The following UNC5D variants were observed in gnomAD, a reference collection of about 807,000 sequenced individuals.
UNC5D encodes unc-5 netrin receptor D, also known as netrin receptor UNC5D.
UNC5D carries 39 observed loss-of-function variants against 105.4 expected under a neutral mutation model. The observed-to-expected ratio is 0.37, with a 90% CI of 0.29 to 0.48. The LOEUF is 0.48. Among genes scored for constraint, UNC5D ranks in the 20% least tolerant of loss-of-function variants. The pLI, the probability that UNC5D is intolerant of heterozygous loss-of-function variation, is 0.98. For missense variants in UNC5D, 991 were observed against 1,202.4 expected, an observed-to-expected ratio of 0.82 and a Z score of 2.60; for synonymous variants, 452 against 450.4, an observed-to-expected ratio of 1.00 and a Z score of -0.04.
At chr8:35,407,577 GTTTGT>G (rs1804888659) in intron 1 of UNC5D, among the ~76,000 whole-genome samples, 1 of 151,912 alleles carries the variant, frequency 6.6e-6, no homozygotes, top group Non-Finnish European at 1.5e-5. Context: ...AGAAGTTCAG[GTTTGT>G]TACATAGGTA....
intron 1 of UNC5D, among the ~76,000 whole-genome samples, chr8:35,298,535 G>A (rs1489562842): frequency 6.8e-6 from 1 of 147,062 alleles, no homozygotes; most frequent in Non-Finnish European, 1.5e-5. Context: ...CTGACTCTTT[G>A]TCAGAATAGA....
chr8:35,446,489 A>G (rs1807802960), intron 1 of UNC5D, among the ~76,000 whole-genome samples: 1 of 151,780 alleles, frequency 6.6e-6, no homozygotes, highest in Non-Finnish European at 1.5e-5. Flanking sequence ...ATTTTTAAAA[A>G]CTAAAAAAAA....
chr8:35,420,073 A>C (rs973266803), intron 1 of UNC5D, among the ~76,000 whole-genome samples: 1 of 152,174 alleles, frequency 6.6e-6, no homozygotes, highest in Non-Finnish European at 1.5e-5. Flanking sequence ...GCAATCAAAA[A>C]TCAAAAAAGG....
chr8:35,365,214 T>G (rs1288231148), intron 1 of UNC5D, among the ~76,000 whole-genome samples: 2 of 152,100 alleles, frequency 1.3e-5, no homozygotes, highest in Non-Finnish European at 2.9e-5. Flanking sequence ...ATCTCCTAGG[T>G]GTAGCCAATC....
rs557335842 is a variant in UNC5D at position 35,405,868 on chromosome 8, A to C, written c.104-143424A>C. Among the ~76,000 whole-genome samples, 37 of 152,312 alleles carry C rather than the reference A, an allele frequency of 2.4e-4. No homozygotes were observed. In the East Asian group the frequency reaches 7.1e-3, roughly 29 times the overall value. On this transcript the variant is annotated intron_variant, in intron 1 of 16. Coordinates refer to ENST00000404895, the MANE Select transcript of UNC5D (RefSeq NM_080872.4). ...ACTGCAGTATGTAAAAATAATATCT[A>C]TGTGAATATAAATATAATTCACTGA... is the stretch of plus-strand genomic sequence containing the variant.
chr8:35,526,550 C>T (rs1813891066), intron 1 of UNC5D, among the ~76,000 whole-genome samples: 1 of 152,108 alleles, frequency 6.6e-6, no homozygotes. Flanking sequence ...AAATGGAAGA[C>T]CTGTGAATTG....
chr8:35,551,089 G>A (rs1462576061), intron 2 of UNC5D, among the ~76,000 whole-genome samples: 1 of 152,064 alleles, frequency 6.6e-6, no homozygotes, highest in Non-Finnish European at 1.5e-5. Context: ...TTGATGTACG[G>A]GTATGCAGTG....
chr8:35,482,866 G>A (rs539142433), intron 1 of UNC5D, among the ~76,000 whole-genome samples: 6 of 136,250 alleles, frequency 4.4e-5, no homozygotes, highest in African/African-American at 8.4e-5. Context: ...GTGATAGCGC[G>A]ATCTCAGCTC....
At chr8:35,493,866 G>A (rs893352804) in intron 1 of UNC5D, among the ~76,000 whole-genome samples, 2 of 151,998 alleles carry the variant, frequency 1.3e-5, no homozygotes, top group African/African-American at 2.4e-5. Flanking sequence ...TATACCATGG[G>A]CAAAGTTACT....
At chr8:35,708,779 G>A (rs969372709) in intron 8 of UNC5D, among the ~76,000 whole-genome samples, 5 of 152,146 alleles carry the variant, frequency 3.3e-5, no homozygotes, top group Admixed American at 6.5e-5. Context: ...TAACAGAGAT[G>A]AGTGTTCAGC....
chr8:35,720,026 T>C (rs992613883), intron 8 of UNC5D, among the ~76,000 whole-genome samples: 7 of 152,344 alleles, frequency 4.6e-5, no homozygotes, highest in African/African-American at 1.7e-4. Flanking sequence ...CAGGCATACA[T>C]AGGGTTATTC....
At position 35,689,132 on chromosome 8, in the gene UNC5D, G is replaced by A. The variant is rs544976989; in HGVS notation, c.1084+2423G>A. Among the ~76,000 whole-genome samples the A allele has an allele frequency of 5.9e-5, 9 of 152,288 alleles. No homozygotes were observed. In the South Asian group the frequency reaches 1.9e-3, roughly 32 times the overall value. On this transcript the variant is annotated intron_variant, in intron 7 of 16. Coordinates refer to ENST00000404895, the MANE Select transcript of UNC5D (RefSeq NM_080872.4). ...TAATAACCTTCACTAACAACCACAG[G>A]TTGTACTTGCACTTGGGGAAAATCA...
chr8:35,602,779 A>G (rs1431562775), intron 4 of UNC5D, among the ~76,000 whole-genome samples: 1 of 151,982 alleles, frequency 6.6e-6, no homozygotes, highest in Non-Finnish European at 1.5e-5. Context: ...TGTGCAGGTT[A>G]GTTACATATG....
chr8:35,492,719 A>G (rs1267731498), intron 1 of UNC5D, among the ~76,000 whole-genome samples: 1 of 152,096 alleles, frequency 6.6e-6, no homozygotes, highest in Non-Finnish European at 1.5e-5. Flanking sequence ...AATGTAAGCA[A>G]TTGTGAGGGG....
intron 7 of UNC5D, among the ~76,000 whole-genome samples, chr8:35,698,580 G>A (rs930328992): frequency 2.0e-5 from 3 of 152,056 alleles, no homozygotes; most frequent in African/African-American, 4.8e-5. Context: ...GTTGTTGAAA[G>A]TGGCAGGATG....
intron 15 of UNC5D, among the ~76,000 whole-genome samples, chr8:35,767,542 C>G (rs1193002917): frequency 6.6e-6 from 1 of 152,180 alleles, no homozygotes; most frequent in African/African-American, 2.4e-5. Context: ...GACTCCCTGT[C>G]TTACTGTTTC....
chr8:35,248,187 A>G (rs1247776273), intron 1 of UNC5D, among the ~76,000 whole-genome samples: 92 of 64,428 alleles, frequency 1.4e-3, no homozygotes, highest in African/African-American at 5.9e-3. Context: ...TATATAATAT[A>G]TAAATATATA....
intron 1 of UNC5D, among the ~76,000 whole-genome samples, chr8:35,434,192 A>G (rs1346072571): frequency 6.6e-6 from 1 of 152,170 alleles, no homozygotes; most frequent in Admixed American, 6.6e-5. Flanking sequence ...TTGACAGTAA[A>G]TTAAATCTCA....
chr8:35,434,694 A>T (rs1806888216), intron 1 of UNC5D, among the ~76,000 whole-genome samples: 1 of 152,140 alleles, frequency 6.6e-6, no homozygotes, highest in African/African-American at 2.4e-5. Context: ...GTTTTCATAT[A>T]CCATTCATTA....
Sources: allele counts gnomAD v4.1 joint callset (sites outside exome capture counted in the v4.1 genomes callset), GRCh38; gene constraint gnomAD v4.1.1; transcripts MANE v1.5; gene names NCBI Gene and HGNC (gene_info 2026-07-23, HGNC 2026-07-21).